TVP23C: variants seen among roughly 807,000 people sequenced by gnomAD.
TVP23C encodes the protein trans-golgi network vesicle protein 23 homolog C.
Under a neutral mutation model 28.7 loss-of-function variants are expected in TVP23C, and 19 were observed. The ratio of observed to expected loss-of-function variants is 0.66; its 90% CI spans 0.46 to 0.97. TVP23C has a LOEUF of 0.97. TVP23C is among the 50% of genes least tolerant of loss of function. The pLI is 0.00. For synonymous variants in TVP23C, 68 were observed against 81.7 expected (o/e 0.83, Z 0.90); for missense variants, 186 against 241.3 (o/e 0.77, Z 1.52).
At chr17:15,543,290 C>T (rs1193004955) in intron 5 of TVP23C, among the ~76,000 whole-genome samples, 3 of 149,840 alleles carry the variant, frequency 2.0e-5, no homozygotes, top group African/African-American at 2.5e-5. Flanking sequence ...GGGATTCACC[C>T]GCACTAAACC....
intron 5 of TVP23C, among the ~76,000 whole-genome samples, chr17:15,522,201 G>T (rs1377412615): frequency 1.3e-5 from 2 of 152,152 alleles, no homozygotes; most frequent in African/African-American, 4.8e-5. Context: ...CATAACTTAT[G>T]AAACATTTAA....
Position 15,537,841 on chromosome 17 carries a change from T to C in TVP23C, c.*2571A>G, listed in dbSNP as rs1464389906. 101 of 1,244,374 alleles carry C rather than the reference T, an allele frequency of 8.1e-5. No individual in the cohort carries two copies. Among genetic ancestry groups the C allele is most frequent in the Non-Finnish European group, 1.0e-4 (100 of 993,322 alleles). The allele number at this position is 1,244,374 out of a possible 1,614,324, so 77.1% of individuals were successfully genotyped here. On this transcript the variant is annotated 3_prime_UTR_variant, in exon 6 of 6. Coordinates refer to ENST00000518321, the MANE Select transcript of TVP23C (RefSeq NM_001135036.2). ...TGAACACTTTCATTAACTTGGGATATACAGGTATTACATGGCCGTGTGCAT... is the reference window on the plus strand; with the variant it reads ...TGAACACTTTCATTAACTTGGGATACACAGGTATTACATGGCCGTGTGCAT...
At chr17:15,555,454 G>C (rs1269202606) in intron 1 of TVP23C, 90 bp from the exon 2 acceptor site, 5 of 1,541,154 alleles carry the variant, frequency 3.2e-6, no homozygotes, top group Non-Finnish European at 3.5e-6. Flanking sequence ...CATCAAAATA[G>C]AAGATAAAAT....
chr17:15,535,910 C>T (rs149365661), downstream of TVP23C, among the ~76,000 whole-genome samples: 275 of 152,208 alleles, frequency 1.8e-3, 2 homozygotes, highest in African/African-American at 6.4e-3. Context: ...TCAAACAGGT[C>T]GCCAGATACG....
At chr17:15,552,684 CAA>C (rs961605422) in intron 3 of TVP23C, among the ~76,000 whole-genome samples, 1 of 143,160 alleles carries the variant, frequency 7.0e-6, no homozygotes. Context: ...AACTCCGTCT[CAA>C]AAAAAAAAGA....
chr17:15,546,462 A>G (rs920212002), intron 4 of TVP23C, among the ~76,000 whole-genome samples: 1 of 152,060 alleles, frequency 6.6e-6, no homozygotes, highest in Non-Finnish European at 1.5e-5. Context: ...CTTTCTTAAA[A>G]TAACTTGTCA....
chr17:15,550,799 T>C (rs1356123746), intron 3 of TVP23C, among the ~76,000 whole-genome samples: 3 of 152,200 alleles, frequency 2.0e-5, no homozygotes, highest in South Asian at 2.1e-4. Flanking sequence ...TGCCTTCTTT[T>C]ATTTTTGCCT....
At chr17:15,516,793 C>T (rs1380743475) in intron 5 of TVP23C, 2 of 152,190 alleles carry the variant, frequency 1.3e-5, no homozygotes, top group Non-Finnish European at 2.9e-5. Flanking sequence ...GATGGCCACA[C>T]ATCCCAAGTA....
intron 1 of TVP23C, among the ~76,000 whole-genome samples, chr17:15,561,956 C>T (rs888515022): frequency 1.3e-5 from 2 of 152,116 alleles, no homozygotes; most frequent in Non-Finnish European, 2.9e-5. Flanking sequence ...GACCACTGGT[C>T]GTCCTCACTA....
intron 5 of TVP23C, 106 bp downstream of exon 5, chr17:15,545,679 T>G (rs1044136141): frequency 6.9e-7 from 1 of 1,452,004 alleles, no homozygotes; most frequent in Non-Finnish European, 9.1e-7. Context: ...AAGCTGCCTA[T>G]TCAAGATAGG....
rs1000198754 is a variant in TVP23C, at chr17:15,510,028, G to A, written c.463-6796C>T. ...GAGTGGTAAGACATACCCTGATTTC[G>A]GAGACGTTGACTTTTTTAAAAAAAC... On this transcript the variant is annotated intron_variant, in intron 5 of 5. Transcript: ENST00000225576. 2.6e-5 allele frequency among the ~76,000 whole-genome samples: 4 copies of A among 152,172 alleles called. No individual in the cohort carries two copies. In the East Asian group the frequency reaches 5.8e-4, roughly 22 times the overall value.
rs924576476 is a variant in TVP23C, at chr17:15,516,987, A to G, written c.463-13755T>C. 2.0e-5 allele frequency among the ~76,000 whole-genome samples: 3 copies of G among 152,196 alleles called. No homozygotes were observed. The South Asian group carries it at 6.2e-4, about 32-fold the overall frequency. On this transcript the variant is annotated intron_variant, in intron 5 of 5. Transcript: ENST00000225576. ...GGTGTGCAAGCTCAGAAACTCAATCATATCTATTCAAGTGGTGAGCAAGCC... is the reference window on the plus strand; with the variant it reads ...GGTGTGCAAGCTCAGAAACTCAATCGTATCTATTCAAGTGGTGAGCAAGCC...
Position 15,538,346 on chromosome 17 carries a change from T to G in TVP23C, c.*2066A>C. ...TGGCTTACACCTGTAATCCCAGCACTTTGGGAGGCCGAGGAGGGTGGATCA... is the reference window on the plus strand; with the variant it reads ...TGGCTTACACCTGTAATCCCAGCACGTTGGGAGGCCGAGGAGGGTGGATCA... On this transcript the variant is annotated 3_prime_UTR_variant, in exon 6 of 6. Coordinates refer to ENST00000518321, the MANE Select transcript of TVP23C (RefSeq NM_001135036.2). 1.1e-6 allele frequency: 1 copy of G among 906,022 alleles called. No individual in the cohort carries two copies. Among genetic ancestry groups the G allele is most frequent in the Non-Finnish European group, 1.3e-6 (1 of 757,954 alleles). The allele number at this position is 906,022 out of a possible 1,614,324, so 56.1% of individuals were successfully genotyped here. A position where few individuals can be genotyped will look rare whatever the true frequency, so the allele number is the denominator to read the frequency against.
chr17:15,557,839 C>A (rs1359688262), intron 1 of TVP23C, among the ~76,000 whole-genome samples: 4 of 138,632 alleles, frequency 2.9e-5, no homozygotes, highest in Non-Finnish European at 6.4e-5. Flanking sequence ...TGACAGTCCG[C>A]GTAGGCCTCC....
downstream of TVP23C, among the ~76,000 whole-genome samples, chr17:15,534,321 G>A (rs1440428838): frequency 3.9e-5 from 6 of 152,332 alleles, no homozygotes; most frequent in Middle Eastern, 3.4e-3. Context: ...TAAGGAAGCT[G>A]AGAAATGTAG....
At chr17:15,531,758 G>T (rs2150842659) in intron 5 of TVP23C, among the ~76,000 whole-genome samples, 1 of 152,198 alleles carries the variant, frequency 6.6e-6, no homozygotes, top group South Asian at 2.1e-4. Flanking sequence ...TTTTCTCAGG[G>T]ATGGTTTCTG....
intron 3 of TVP23C, among the ~76,000 whole-genome samples, chr17:15,551,317 A>C (rs1983878873): frequency 6.9e-6 from 1 of 144,888 alleles, no homozygotes; most frequent in African/African-American, 2.6e-5. Flanking sequence ...CATGTTAGCC[A>C]GGATGGTCTC....
intron 2 of TVP23C, among the ~76,000 whole-genome samples, chr17:15,554,740 T>C (rs887686630): frequency 2.0e-5 from 3 of 152,178 alleles, no homozygotes; most frequent in African/African-American, 7.2e-5. Context: ...CCCCTCAGCT[T>C]CTAGCAACAG....
At chr17:15,546,101 C>G (rs1321917701) in intron 4 of TVP23C, among the ~76,000 whole-genome samples, 185 bp from the exon 5 acceptor site, 1 of 152,138 alleles carries the variant, frequency 6.6e-6, no homozygotes, top group Non-Finnish European at 1.5e-5. Context: ...TATATTAACT[C>G]AAGAATTTTG....
Sources: allele counts gnomAD v4.1 joint callset (sites outside exome capture counted in the v4.1 genomes callset), GRCh38; gene constraint gnomAD v4.1.1; transcripts MANE v1.5; gene names NCBI Gene and HGNC (gene_info 2026-07-23, HGNC 2026-07-21).